GLUL: variants seen among roughly 807,000 people sequenced by gnomAD.
The protein encoded by GLUL is glutamine synthetase.
GLUL carries 8 observed loss-of-function variants against 36.9 expected under a neutral mutation model. The observed-to-expected ratio is 0.22, with a 90% CI of 0.13 to 0.39. GLUL has a LOEUF of 0.39. Among genes scored for constraint, GLUL ranks in the 10% least tolerant of loss-of-function variants. The pLI is 1.00. For synonymous variants in GLUL, 182 were observed against 172.8 expected, an observed-to-expected ratio of 1.05 and a Z score of -0.42; for missense variants, 315 against 501.8, an observed-to-expected ratio of 0.63 and a Z score of 3.56.
Position 182,382,117 on chromosome 1 carries a change from T to C in GLUL, c.*2288A>G, listed in dbSNP as rs1649953650. 1 of 152,214 alleles carries C rather than the reference T, an allele frequency of 6.6e-6. No individual in the cohort carries two copies. Among genetic ancestry groups the C allele is most frequent in the South Asian group, 2.1e-4 (1 of 4,832 alleles). 9.4% of individuals were successfully genotyped at this position (152,214 alleles called of 1,614,324 possible). A position where few individuals can be genotyped will look rare whatever the true frequency, so the allele number is the denominator to read the frequency against. On this transcript the variant is annotated 3_prime_UTR_variant, in exon 7 of 7. Transcript: ENST00000331872. ...GCACTGGTAAGAGTATACTGCCTTTTAAAAACAATCACTATTGCCCACATT... is the reference window on the plus strand; with the variant it reads ...GCACTGGTAAGAGTATACTGCCTTTCAAAAACAATCACTATTGCCCACATT...
intron 1 of GLUL, chr1:182,391,039 A>T (rs1407944557): frequency 2.5e-6 from 1 of 397,206 alleles, no homozygotes; most frequent in Non-Finnish European, 4.4e-6. Flanking sequence ...GGCCGTAGGG[A>T]CTGCGCGCTG....
rs1650048624 is a variant in GLUL at position 182,383,958 on chromosome 1, GA to G, written c.*446del. 1.0e-5 allele frequency: 2 copies of G among 198,140 alleles called. No individual in the cohort carries two copies. The highest frequency in any genetic ancestry group is 8.6e-5 in the South Asian group (1 of 11,616). The allele number at this position is 198,140 out of a possible 1,614,324, so 12.3% of individuals were successfully genotyped here. A position where few individuals can be genotyped will look rare whatever the true frequency, so the allele number is the denominator to read the frequency against. Reference sequence around the variant, plus strand: ...TCTCTCCTAATTCCCACTTTTAATAGAAAAGTTGGTTATAACTTTTTAAGAA... The same window carrying G: ...TCTCTCCTAATTCCCACTTTTAATAGAAAGTTGGTTATAACTTTTTAAGAA... On this transcript the variant is annotated 3_prime_UTR_variant, in exon 7 of 7. Transcript: ENST00000331872.
chr1:182,391,432 G>A (rs1352368853), intron 1 of GLUL: 3 of 387,406 alleles, frequency 7.7e-6, no homozygotes, highest in East Asian at 3.7e-5. Context: ...AACTCACCCC[G>A]CCCTTCCCAG....
rs569240387 is a variant in GLUL at position 182,378,584 on chromosome 1, T to C, written c.*5821A>G. Among the ~76,000 whole-genome samples the C allele has an allele frequency of 1.3e-5, 2 of 152,324 alleles. No homozygotes were observed. The highest frequency in any genetic ancestry group is 2.1e-4 in the South Asian group (1 of 4,824). Reference sequence around the variant, plus strand: ...AACTTTCTCATCTCGGCGAATTCTCTTGTGTACTGTTTCTGGAACATATAT... The same window carrying C: ...AACTTTCTCATCTCGGCGAATTCTCCTGTGTACTGTTTCTGGAACATATAT... On this transcript the variant is annotated 3_prime_UTR_variant, in exon 7 of 7. Coordinates refer to ENST00000331872, the MANE Select transcript of GLUL (RefSeq NM_001033044.4).
rs1410704926 is a variant in GLUL, at chr1:182,384,018, C to G, written c.*387G>C. 3.7e-6 allele frequency: 1 copy of G among 272,974 alleles called. No homozygotes were observed. Among genetic ancestry groups the G allele is most frequent in the African/African-American group, 2.2e-5 (1 of 45,638 alleles). 16.9% of individuals were successfully genotyped at this position (272,974 alleles called of 1,614,324 possible). A position where few individuals can be genotyped will look rare whatever the true frequency, so the allele number is the denominator to read the frequency against. On this transcript the variant is annotated 3_prime_UTR_variant, in exon 7 of 7. Transcript: ENST00000331872. Reference sequence around the variant, plus strand: ...ACCACGAGGGCAAGTCCTAACCTAACCAGAGTACGTCAGGTCTTCCCCTTT... The same window carrying G: ...ACCACGAGGGCAAGTCCTAACCTAAGCAGAGTACGTCAGGTCTTCCCCTTT...
At chr1:182,386,159 C>A in intron 4 of GLUL, 97 bp downstream of exon 4, 4 of 1,248,148 alleles carry the variant, frequency 3.2e-6, no homozygotes, top group Non-Finnish European at 4.7e-6. Context: ...TATTATTTTG[C>A]TTCTTGATTC....
rs1650064649 is a variant in GLUL, at chr1:182,384,223, T to A, written c.*182A>T. The A allele has an allele frequency of 1.6e-6, 1 of 627,538 alleles. No individual in the cohort carries two copies. The highest frequency in any genetic ancestry group is 2.9e-6 in the Non-Finnish European group (1 of 350,146). 38.9% of individuals were successfully genotyped at this position (627,538 alleles called of 1,614,324 possible). A position where few individuals can be genotyped will look rare whatever the true frequency, so the allele number is the denominator to read the frequency against. ...AAAAGGAGGGTAGGTGTGAAGAAAT[T>A]AATAACTTGACCCCTCTATCCCAGC... On this transcript the variant is annotated 3_prime_UTR_variant, in exon 7 of 7. Transcript: ENST00000331872.
chr1:182,388,152 C>T (rs546092974), intron 2 of GLUL, among the ~76,000 whole-genome samples: 29 of 152,270 alleles, frequency 1.9e-4, no homozygotes, highest in East Asian at 3.9e-4. Context: ...AGAGCATTTG[C>T]TTCACATCTA....
At chr1:182,386,784 A>G in intron 3 of GLUL, 1 of 453,466 alleles carries the variant, frequency 2.2e-6, no homozygotes, top group East Asian at 4.6e-5. Context: ...TTCATTTCTC[A>G]GGCACTTGGA....
At position 182,389,224 on chromosome 1, in the gene GLUL, A is replaced by G. The variant is rs6703479; in HGVS notation, c.-13-474T>C. ...ATCAAAACCAATACACAAATTTACA[A>G]AACATAGAACTTCTTCCAATATAAG... On this transcript the variant is annotated intron_variant, in intron 1 of 6. Transcript: ENST00000331872. 830 of 179,260 alleles carry G rather than the reference A, an allele frequency of 4.6e-3. 4 individuals are homozygous for G. The highest frequency in any genetic ancestry group is 0.019 in the African/African-American group (797 of 42,294). The allele number at this position is 179,260 out of a possible 1,614,324, so 11.1% of individuals were successfully genotyped here.
rs1650024826 is a variant in GLUL at position 182,383,456 on chromosome 1, A to G, written c.*949T>C. 6.6e-6 allele frequency: 1 copy of G among 152,200 alleles called. No individual in the cohort carries two copies. Among genetic ancestry groups the G allele is most frequent in the South Asian group, 2.1e-4 (1 of 4,834 alleles). 9.4% of individuals were successfully genotyped at this position (152,200 alleles called of 1,614,324 possible). A position where few individuals can be genotyped will look rare whatever the true frequency, so the allele number is the denominator to read the frequency against. On this transcript the variant is annotated 3_prime_UTR_variant, in exon 7 of 7. Transcript: ENST00000331872. ...CAAGTGTGTCTTTTAAACCAAAGCC[A>G]CGGAGATCAAGTGACTGCTAGTAAC...
rs768496218 is a variant in GLUL, at chr1:182,388,605, G to A, written c.133C>T (p.Arg45Trp). The change falls in exon 2 of 7, where the codon CGG becomes TGG. Residue 45 changes from arginine to tryptophan, a missense_variant. Transcript: ENST00000331872. ...CACTTGGGCTCACTGTCCAGGGTCC[G>A]GGTCTTGCAGCGCAGTCCTTCTCCA... is the stretch of plus-strand genomic sequence containing the variant. The part of the protein sequence containing the change: ...GTGEGLRCKT[R>W]TLDSEPKCVE... 1.7e-5 allele frequency: 28 copies of A among 1,613,836 alleles called. No individual in the cohort carries two copies. The highest frequency in any genetic ancestry group is 8.8e-5 in the South Asian group (8 of 91,070).
At chr1:182,386,060 G>T in intron 4 of GLUL, 173 bp from the exon 5 acceptor site, 1 of 862,162 alleles carries the variant, frequency 1.2e-6, no homozygotes, top group Non-Finnish European at 2.0e-6. Flanking sequence ...CAGCTTCAGT[G>T]GGGCCAAACG....
At position 182,381,181 on chromosome 1, in the gene GLUL, C is replaced by T. The variant is rs1358080085; in HGVS notation, c.*3224G>A. On this transcript the variant is annotated 3_prime_UTR_variant, in exon 7 of 7. Transcript: ENST00000331872. ...ACTTGGGAGGCTGAGGCAGGAGAAT[C>T]GCTTGAATCTGGGAGGCAGAAGTTG... Among the ~76,000 whole-genome samples, 5 of 152,150 alleles carry T rather than the reference C, an allele frequency of 3.3e-5. No homozygotes were observed. The highest frequency in any genetic ancestry group is 2.6e-4 in the Admixed American group (4 of 15,276).
At chr1:182,391,480 G>T in intron 1 of GLUL, 199 bp downstream of exon 1, 1 of 367,918 alleles carries the variant, frequency 2.7e-6, no homozygotes, top group Non-Finnish European at 4.8e-6. Flanking sequence ...CGCCAGCCCC[G>T]ACGGGTCCAA....
intron 4 of GLUL, 161 bp downstream of exon 4, chr1:182,386,095 T>C: frequency 1.1e-6 from 1 of 885,082 alleles, no homozygotes; most frequent in Admixed American, 1.8e-5. Context: ...TTACTTTATA[T>C]ATTCATATCC....
Position 182,386,302 on chromosome 1 carries a change from A to T in GLUL, c.429T>A (p.Asp143Glu). 1 of 1,613,680 alleles carries T rather than the reference A, an allele frequency of 6.2e-7. No individual in the cohort carries two copies. The highest frequency in any genetic ancestry group is 8.5e-7 in the Non-Finnish European group (1 of 1,179,612). The change falls in exon 4 of 7, where the codon GAT (aspartate) becomes GAA (glutamate). Residue 143 changes from aspartate (D) to glutamate (E), a missense_variant. Coordinates refer to ENST00000331872, the MANE Select transcript of GLUL (RefSeq NM_001033044.4). ...TGGAAGGCCAACCAAAGGGGTGCCC[A>T]TCTGTCCCCATGAGGGTATACTCCT... ...MEQEYTLMGT[D>E]GHPFGWPSNG...
intron 5 of GLUL, 53 bp from the exon 6 acceptor site, chr1:182,385,609 CAG>C (rs1650141962): frequency 6.4e-7 from 1 of 1,569,382 alleles, no homozygotes; most frequent in East Asian, 2.2e-5. Context: ...CACTCCAACT[CAG>C]AATCTCCTAA....
chr1:182,391,543 T>C (rs1036575075), intron 1 of GLUL, 136 bp downstream of exon 1: 5 of 265,326 alleles, frequency 1.9e-5, no homozygotes, highest in Admixed American at 5.4e-5. Flanking sequence ...ATCTCAGGCA[T>C]GGGCCGGAGA....
Sources: allele counts gnomAD v4.1 joint callset (sites outside exome capture counted in the v4.1 genomes callset), GRCh38; gene constraint gnomAD v4.1.1; transcripts MANE v1.5; gene names NCBI Gene and HGNC (gene_info 2026-07-23, HGNC 2026-07-21).